The following ZNF737 variants were observed in gnomAD, a reference collection of about 807,000 sequenced individuals.
The protein encoded by ZNF737 is zinc finger protein 102 (Y3).
In ZNF737, 13 loss-of-function variants were observed where a neutral mutation model predicts 11.7. The observed-to-expected ratio is 1.11, with a 90% confidence interval of 0.73 to 1.77. The LOEUF is 1.77. Ranked by LOEUF, ZNF737 falls within the 40% of genes most tolerant of loss-of-function variation. ZNF737 has a pLI of 0.00. For synonymous variants in ZNF737, 217 were observed against 216.2 expected, an observed-to-expected ratio of 1.00 and a Z score of -0.03; for missense variants, 636 against 638.0, an observed-to-expected ratio of 1.00 and a Z score of 0.03.
At chr19:20,532,772 C>G (rs1423044688), downstream of ZNF737, among the ~76,000 whole-genome samples, 15 of 149,980 alleles carry the variant, frequency 1.0e-4, no homozygotes, top group African/African-American at 3.7e-4. Context: ...CAGATTTGAC[C>G]TGGCAAATAA....
At chr19:20,562,815 G>A (rs1969148692) in intron 1 of ZNF737, among the ~76,000 whole-genome samples, 1 of 152,148 alleles carries the variant, frequency 6.6e-6, no homozygotes, top group East Asian at 1.9e-4. Flanking sequence ...TCAGGCTCCT[G>A]AACTTTGAGC....
At chr19:20,561,315 A>T (rs1278614266) in intron 1 of ZNF737, among the ~76,000 whole-genome samples, 1 of 152,180 alleles carries the variant, frequency 6.6e-6, no homozygotes, top group Non-Finnish European at 1.5e-5. Context: ...GGCAAGAAAC[A>T]CTAGGATCAA....
chr19:20,547,079 A>T (rs1307207383), intron 3 of ZNF737, among the ~76,000 whole-genome samples: 1 of 152,150 alleles, frequency 6.6e-6, no homozygotes, highest in African/African-American at 2.4e-5. Context: ...TACAACCTAC[A>T]GTTAAAACCT....
At chr19:20,550,633 T>C (rs1415236350) in intron 3 of ZNF737, among the ~76,000 whole-genome samples, 1 of 152,200 alleles carries the variant, frequency 6.6e-6, no homozygotes, top group Non-Finnish European at 1.5e-5. Flanking sequence ...CTCACACCTG[T>C]AATGACAGCT....
In ZNF737 at chr19:20,543,944, A is replaced by G. The variant is rs1407181342; in HGVS notation, c.*648T>C. On this transcript the variant is annotated 3_prime_UTR_variant, in exon 4 of 4. Transcript: ENST00000427401. ...GGAGTTCGAGACCAGCCTGGCAAACATGGCGAAGTCGCATCTCTACTAAAA... is the reference window on the plus strand; with the variant it reads ...GGAGTTCGAGACCAGCCTGGCAAACGTGGCGAAGTCGCATCTCTACTAAAA... 1.4e-6 allele frequency: 1 copy of G among 729,012 alleles called. No individual in the cohort carries two copies. Among genetic ancestry groups the G allele is most frequent in the African/African-American group, 1.9e-5 (1 of 51,694 alleles). 45.2% of individuals were successfully genotyped at this position (729,012 alleles called of 1,614,324 possible).
intron 1 of ZNF737, among the ~76,000 whole-genome samples, chr19:20,555,560 T>C (rs1479513867): frequency 6.6e-6 from 1 of 152,212 alleles, no homozygotes; most frequent in East Asian, 1.9e-4. Context: ...ATGTTCTCCA[T>C]CTTTACTAAG....
downstream of ZNF737, among the ~76,000 whole-genome samples, chr19:20,531,241 G>GGGGAGAT (rs1555752797): frequency 8.5e-4 from 69 of 81,186 alleles, 4 homozygotes; most frequent in African/African-American, 4.2e-3. Flanking sequence ...AGAGGGGAGA[G>GGGGAGAT]GGGAGACGGG....
rs1282809802 is a variant in ZNF737 at position 20,558,329 on chromosome 19, CCTTCAGATGTAGA to C, written c.4-4507_4-4495del. Among the ~76,000 whole-genome samples the C allele has an allele frequency of 2.0e-5, 3 of 151,460 alleles. No homozygotes were observed. In the South Asian group the frequency reaches 6.3e-4, roughly 32 times the overall value. ...AACAATTCTTCTGTTCATAAATATGCCTTCAGATGTAGACATCAGAAGTCTCAAAAATATAAAG... is the reference window on the plus strand; with the variant it reads ...AACAATTCTTCTGTTCATAAATATGCCATCAGAAGTCTCAAAAATATAAAG... On this transcript the variant is annotated intron_variant, in intron 1 of 3. Coordinates refer to ENST00000427401, the MANE Select transcript of ZNF737 (RefSeq NM_001159293.2).
Position 20,542,743 on chromosome 19 carries a change from T to C in ZNF737, c.*1849A>G. 1.0e-6 allele frequency: 1 copy of C among 984,586 alleles called. No individual in the cohort carries two copies. Among genetic ancestry groups the C allele is most frequent in the South Asian group, 4.7e-5 (1 of 21,266 alleles). The allele number at this position is 984,586 out of a possible 1,614,324, so 61.0% of individuals were successfully genotyped here. On this transcript the variant is annotated 3_prime_UTR_variant, in exon 4 of 4. Coordinates refer to ENST00000427401, the MANE Select transcript of ZNF737 (RefSeq NM_001159293.2). ...CATTATGCGTCTTACATTTTAATGT[T>C]CTTACTATTTTATAGAAAAAGTCAT...
chr19:20,551,010 C>G (rs1238630517), intron 3 of ZNF737: 1 of 152,242 alleles, frequency 6.6e-6, no homozygotes, highest in Non-Finnish European at 1.5e-5. Flanking sequence ...TGAAGGCACC[C>G]ATTTACAGCA....
chr19:20,559,989 AC>A lies in ZNF737; in HGVS notation c.3+5648del, dbSNP rs1271493997. ...AGACCATCCTGGCTAACAAGGTGAAACCCCGTCTCTACTAAAAATACAAAAA... is the reference window on the plus strand; with the variant it reads ...AGACCATCCTGGCTAACAAGGTGAAACCCGTCTCTACTAAAAATACAAAAA... On this transcript the variant is annotated intron_variant, in intron 1 of 3. Coordinates refer to ENST00000427401, the MANE Select transcript of ZNF737 (RefSeq NM_001159293.2). Among the ~76,000 whole-genome samples the A allele has an allele frequency of 3.3e-5, 5 of 151,454 alleles. No individual in the cohort carries two copies. The East Asian group carries it at 9.7e-4, about 30-fold the overall frequency.
chr19:20,538,573 C>T lies in ZNF737; in HGVS notation c.*6019G>A. 1.1e-6 allele frequency: 1 copy of T among 909,556 alleles called. No individual in the cohort carries two copies. The highest frequency in any genetic ancestry group is 1.3e-6 in the Non-Finnish European group (1 of 760,844). 56.3% of individuals were successfully genotyped at this position (909,556 alleles called of 1,614,324 possible). On this transcript the variant is annotated 3_prime_UTR_variant, in exon 4 of 4. Coordinates refer to ENST00000427401, the MANE Select transcript of ZNF737 (RefSeq NM_001159293.2). Reference sequence around the variant, plus strand: ...TGCTTTCTGCAAAAAGTAAAAATGGCCTTGCTAAGAAAAATTAAATTTATT... The same window carrying T: ...TGCTTTCTGCAAAAAGTAAAAATGGTCTTGCTAAGAAAAATTAAATTTATT...
chr19:20,530,341 C>T, the ZNF737 span, among the ~76,000 whole-genome samples: 6 of 142,280 alleles, frequency 4.2e-5, no homozygotes, highest in African/African-American at 1.1e-4. Flanking sequence ...CCGGACGGGG[C>T]AGCTGGCCGG....
chr19:20,558,812 A>G (rs951346115), intron 1 of ZNF737, among the ~76,000 whole-genome samples: 1 of 152,238 alleles, frequency 6.6e-6, no homozygotes, highest in Non-Finnish European at 1.5e-5. Context: ...CTGATGGCCC[A>G]ATGATAAGCC....
intron 3 of ZNF737, 74 bp from the exon 4 acceptor site, chr19:20,546,050 A>G (rs1480864443): frequency 2.1e-6 from 3 of 1,452,648 alleles, no homozygotes; most frequent in African/African-American, 2.9e-5. Context: ...TCTAACCTAT[A>G]TAATTATACA....
intron 1 of ZNF737, among the ~76,000 whole-genome samples, chr19:20,560,029 G>A (rs1187780161): frequency 9.2e-5 from 14 of 151,398 alleles, no homozygotes; most frequent in Admixed American, 5.9e-4. Context: ...AGCCGGGCGC[G>A]GTGGCGGGCG....
At chr19:20,551,232 C>T (rs1555758272) in intron 3 of ZNF737, 1 of 151,890 alleles carries the variant, frequency 6.6e-6, no homozygotes, top group Non-Finnish European at 1.5e-5. Flanking sequence ...TTGAGACCAC[C>T]CTTGCCAACA....
At chr19:20,558,311 C>T (rs1013216938) in intron 1 of ZNF737, among the ~76,000 whole-genome samples, 1 of 151,210 alleles carries the variant, frequency 6.6e-6, no homozygotes, top group Non-Finnish European at 1.5e-5. Context: ...AATAACAATT[C>T]TTCTGTTCAT....
At position 20,546,277 on chromosome 19, in the gene ZNF737, C is replaced by T. The variant is rs138612325; in HGVS notation, c.227-301G>A. 5.4e-3 allele frequency among the ~76,000 whole-genome samples: 829 copies of T among 152,272 alleles called. 9 individuals carry two copies. Among genetic ancestry groups the T allele is most frequent in the African/African-American group, 0.019 (775 of 41,552 alleles). The stretch of plus-strand genomic sequence containing the variant: ...ACCCAACAGAGCTCTTCCTGCTCTC[C>T]AGTATAATATTGTGCCTTTAAAAGT... On this transcript the variant is annotated intron_variant, in intron 3 of 3. Transcript: ENST00000427401.
Sources: allele counts gnomAD v4.1 joint callset (sites outside exome capture counted in the v4.1 genomes callset), GRCh38; gene constraint gnomAD v4.1.1; transcripts MANE v1.5; gene names NCBI Gene and HGNC (gene_info 2026-07-23, HGNC 2026-07-21).